The following DOCK4 variants were observed in gnomAD, a reference collection of about 807,000 sequenced individuals.
DOCK4 encodes the protein dedicator of cytokinesis 4.
A neutral mutation model predicts 268.1 loss-of-function variants in DOCK4; 97 were observed. The ratio of observed to expected loss-of-function variants is 0.36; its 90% CI spans 0.31 to 0.43. The LOEUF (loss-of-function observed/expected upper bound fraction) is 0.43, where lower values mean the gene tolerates loss of function less well. DOCK4 is among the 20% of genes least tolerant of loss of function. The pLI is 1.00. For synonymous variants in DOCK4, 954 were observed against 887.2 expected (o/e 1.08, Z -1.34); for missense variants, 2,145 against 2,455.7 (o/e 0.87, Z 2.67).
intron 1 of DOCK4, among the ~76,000 whole-genome samples, chr7:112,067,520 T>C (rs564290409): frequency 1.8e-4 from 27 of 151,996 alleles, no homozygotes; most frequent in African/African-American, 5.3e-4. Flanking sequence ...AGAGAGAAGA[T>C]GAAGTATTTT....
chr7:112,195,596 C>T (rs961783866), intron 1 of DOCK4, among the ~76,000 whole-genome samples: 1 of 152,020 alleles, frequency 6.6e-6, no homozygotes, highest in Non-Finnish European at 1.5e-5. Flanking sequence ...CATCCAGGAT[C>T]TCGGTTGGGG....
At chr7:112,205,175 G>C (rs1004786323) in intron 1 of DOCK4, among the ~76,000 whole-genome samples, 1 of 152,162 alleles carries the variant, frequency 6.6e-6, no homozygotes, top group African/African-American at 2.4e-5. Context: ...GTATTCATCA[G>C]TCAACATTAA....
intron 12 of DOCK4, among the ~76,000 whole-genome samples, chr7:111,923,090 CACA>C (rs916631262): frequency 1.6e-4 from 24 of 152,176 alleles, no homozygotes; most frequent in Non-Finnish European, 2.6e-4. Context: ...AAAATAACAA[CACA>C]ACAACAGTAA....
At chr7:111,899,797 G>A (rs886918860) in intron 15 of DOCK4, among the ~76,000 whole-genome samples, 6 of 152,182 alleles carry the variant, frequency 3.9e-5, no homozygotes, top group Non-Finnish European at 8.8e-5. Context: ...GTGGCCGGGC[G>A]CCTGTAGTCC....
In DOCK4 at chr7:111,938,422, C is replaced by G. The variant is rs114592820; in HGVS notation, c.977+1688G>C. 3.3e-3 allele frequency among the ~76,000 whole-genome samples: 507 copies of G among 152,252 alleles called. 4 individuals are homozygous for G. Among genetic ancestry groups the G allele is most frequent in the African/African-American group, 0.012 (478 of 41,536 alleles). On this transcript the variant is annotated intron_variant, in intron 11 of 52. Transcript: ENST00000428084. ...CATATTAGGTATATTAACACAACCT[C>G]CAGAATGGAATACGAAAGCCAGTTC...
chr7:111,898,549 T>C (rs1054541146), intron 15 of DOCK4, among the ~76,000 whole-genome samples: 1 of 152,240 alleles, frequency 6.6e-6, no homozygotes, highest in African/African-American at 2.4e-5. Flanking sequence ...GGCTATTTTC[T>C]TGTGCTCACT....
At chr7:111,958,641 AAGTC>A (rs1260863173) in intron 8 of DOCK4, among the ~76,000 whole-genome samples, 1 of 152,056 alleles carries the variant, frequency 6.6e-6, no homozygotes, top group Non-Finnish European at 1.5e-5. Context: ...GGGAAAGAGA[AAGTC>A]AGTTCTGAGT....
At chr7:112,149,129 A>T (rs1815798840) in intron 1 of DOCK4, among the ~76,000 whole-genome samples, 2 of 152,194 alleles carry the variant, frequency 1.3e-5, no homozygotes, top group African/African-American at 4.8e-5. Context: ...CTCTCCATGG[A>T]AATTTTTCAA....
chr7:111,882,455 G>A (rs1586257882), intron 16 of DOCK4, among the ~76,000 whole-genome samples: 1 of 152,126 alleles, frequency 6.6e-6, no homozygotes, highest in East Asian at 1.9e-4. Flanking sequence ...TATACAGCTG[G>A]TACGCTCAGA....
chr7:111,923,626 AT>A (rs139392716), intron 12 of DOCK4, among the ~76,000 whole-genome samples: 108 of 152,138 alleles, frequency 7.1e-4, no homozygotes, highest in Non-Finnish European at 1.4e-3. Context: ...ACTTAATAAC[AT>A]TTTCTTCTTT....
intron 8 of DOCK4, among the ~76,000 whole-genome samples, chr7:111,962,919 T>G (rs529766875): frequency 6.6e-6 from 1 of 152,226 alleles, no homozygotes; most frequent in South Asian, 2.1e-4. Context: ...AGTACTACCC[T>G]GGTGCTATTT....
chr7:111,877,009 A>G, intron 17 of DOCK4, 21 bp downstream of exon 17: 5 of 1,452,140 alleles, frequency 3.4e-6, no homozygotes, highest in Non-Finnish European at 3.7e-6. Context: ...TAGGGCTTTC[A>G]AATAAAACAT....
chr7:112,179,437 T>A (rs1419904928), intron 1 of DOCK4, among the ~76,000 whole-genome samples: 1 of 151,586 alleles, frequency 6.6e-6, no homozygotes, highest in Non-Finnish European at 1.5e-5. Context: ...TCTAGTAGCA[T>A]TGCCTTACAG....
At chr7:112,109,839 G>C (rs1450172540) in intron 1 of DOCK4, among the ~76,000 whole-genome samples, 1 of 150,780 alleles carries the variant, frequency 6.6e-6, no homozygotes, top group Non-Finnish European at 1.5e-5. Context: ...CCGCCTCCCG[G>C]GTTCACGCCA....
At chr7:111,907,235 GT>G (rs1230868144) in intron 13 of DOCK4, among the ~76,000 whole-genome samples, 1 of 152,054 alleles carries the variant, frequency 6.6e-6, no homozygotes, top group African/African-American at 2.4e-5. Flanking sequence ...GTTTTGCTTT[GT>G]TTTTAAAAGA....
intron 1 of DOCK4, among the ~76,000 whole-genome samples, chr7:112,158,330 G>A (rs1816802178): frequency 6.6e-6 from 1 of 152,176 alleles, no homozygotes; most frequent in Non-Finnish European, 1.5e-5. Flanking sequence ...CTTATACATA[G>A]TATGAATTTC....
Position 111,856,620 on chromosome 7 carries a change from CTG to C in DOCK4, c.2473+6750_2473+6751del, listed in dbSNP as rs535078416. 2.8e-3 allele frequency among the ~76,000 whole-genome samples: 429 copies of C among 152,306 alleles called. 3 individuals carry two copies. The highest frequency in any genetic ancestry group is 3.7e-3 in the Non-Finnish European group (251 of 68,036). On this transcript the variant is annotated intron_variant, in intron 23 of 52. Transcript: ENST00000428084. Reference sequence around the variant, plus strand: ...AAAAGAGCCTGAAAAACTGTGGAAACTGTTAAACTTTCAGCAAGTGCTTTCAG... The same window carrying C: ...AAAAGAGCCTGAAAAACTGTGGAAACTTAAACTTTCAGCAAGTGCTTTCAG...
intron 7 of DOCK4, among the ~76,000 whole-genome samples, chr7:111,979,600 TTTACTTAAAAGAAAAACATATGC>T (rs1056260616): frequency 2.0e-5 from 3 of 152,052 alleles, no homozygotes; most frequent in African/African-American, 7.2e-5. Flanking sequence ...TATTTACTGA[TTTACTTAAAAGAAAAACATATGC>T]TTACTTAAAA....
chr7:111,809,256 C>A, intron 29 of DOCK4, 45 bp downstream of exon 29: 1 of 1,417,138 alleles, frequency 7.1e-7, no homozygotes, highest in Non-Finnish European at 9.7e-7. Context: ...ACTAAATACT[C>A]TTTAAGAGGC....
Sources: allele counts gnomAD v4.1 joint callset (sites outside exome capture counted in the v4.1 genomes callset), GRCh38; gene constraint gnomAD v4.1.1; transcripts MANE v1.5; gene names NCBI Gene and HGNC (gene_info 2026-07-23, HGNC 2026-07-21).